Variants in KHK observed in about 807,000 individuals in gnomAD.
KHK encodes the protein fructokinase.
In KHK, 37 loss-of-function variants were observed where a neutral mutation model predicts 36.0. The observed-to-expected ratio is 1.03, with a 90% CI of 0.79 to 1.35. The LOEUF is 1.35. KHK is among the 40% of genes most tolerant of loss of function. KHK has a pLI of 0.00. For missense variants in KHK, 395 were observed against 391.9 expected (o/e 1.01, Z -0.07); for synonymous variants, 161 against 162.8 (o/e 0.99, Z 0.08).
intron 1 of KHK, among the ~76,000 whole-genome samples, chr2:27,090,473 G>C (rs1669929285): frequency 1.8e-5 from 1 of 54,462 alleles, no homozygotes; most frequent in Non-Finnish European, 4.2e-5. Flanking sequence ...TTTTTTTTTG[G>C]AGACAAAGTC....
Position 27,096,730 on chromosome 2 carries a change from A to G in KHK, c.346A>G (p.Ser116Gly), listed in dbSNP as rs774999673. Residue 116 changes from serine (S) to glycine (G), a missense_variant and splice_region_variant, in exon 4 of 8, where the codon AGC (serine) becomes GGC (glycine). Physicochemically the swap from Ser to Gly is moderately conservative, Grantham distance 56. Transcript: ENST00000260598. ...TGTCTTTTCCATCCTGTGACCTAGGAGCCTGCCAGATGTGTCTGCTACAGA... is the reference window on the plus strand; with the variant it reads ...TGTCTTTTCCATCCTGTGACCTAGGGGCCTGCCAGATGTGTCTGCTACAGA... ...GNRTIVLHDTSLPDVSATDFE... is the reference protein window; with the variant it reads ...GNRTIVLHDTGLPDVSATDFE... 1 of 1,613,742 alleles carries G rather than the reference A, an allele frequency of 6.2e-7. No individual in the cohort carries two copies. The highest frequency in any genetic ancestry group is 8.5e-7 in the Non-Finnish European group (1 of 1,179,732).
intron 3 of KHK, among the ~76,000 whole-genome samples, chr2:27,096,446 A>T (rs1272210966): frequency 1.3e-5 from 2 of 152,148 alleles, no homozygotes; most frequent in Non-Finnish European, 2.9e-5. Flanking sequence ...GCATTCTGGG[A>T]GATGCAGTCT....
At position 27,099,180 on chromosome 2, in the gene KHK, C is replaced by T; in HGVS notation, c.565-16C>T. The T allele has an allele frequency of 6.2e-7, 1 of 1,613,724 alleles. No individual in the cohort carries two copies. Among genetic ancestry groups the T allele is most frequent in the Non-Finnish European group, 8.5e-7 (1 of 1,179,684 alleles). ...GAGTTAGAAGTGACCACCAGCTTCT[C>T]TTCCACTGCCCACAGGTGTTTGTCA... On this transcript the variant is annotated splice_polypyrimidine_tract_variant and intron_variant, in intron 5 of 7. Coordinates refer to ENST00000260598, the MANE Select transcript of KHK (RefSeq NM_006488.3).
At chr2:27,097,215 G>A (rs575535877) in intron 4 of KHK, among the ~76,000 whole-genome samples, 1 of 152,320 alleles carries the variant, frequency 6.6e-6, no homozygotes, top group African/African-American at 2.4e-5. Flanking sequence ...GAGTCTGGGT[G>A]GAAGGAAATC....
intron 1 of KHK, among the ~76,000 whole-genome samples, chr2:27,090,452 C>CTTTTTTTTTTTTTTTTTTTTT (rs559420015): frequency 2.1e-4 from 23 of 110,100 alleles, no homozygotes; most frequent in Non-Finnish European, 3.2e-4. Context: ...TTTTTTCTTT[C>CTTTTTTTTTTTTTTTTTTTTT]TTTTTTTTTT....
In KHK at chr2:27,100,078, C is replaced by A. The variant is rs1670716431; in HGVS notation, c.*328C>A. The A allele has an allele frequency of 6.6e-6, 4 of 605,678 alleles. No individual in the cohort carries two copies. The highest frequency in any genetic ancestry group is 8.7e-6 in the Non-Finnish European group (3 of 343,934). 37.5% of individuals were successfully genotyped at this position (605,678 alleles called of 1,614,324 possible). On this transcript the variant is annotated 3_prime_UTR_variant, in exon 8 of 8. Coordinates refer to ENST00000260598, the MANE Select transcript of KHK (RefSeq NM_006488.3). ...CCCAAATTAACCTCTCCGCCCAGGCCCAGAGGAGGGGCTGCCTGGGCTAGA... is the reference window on the plus strand; with the variant it reads ...CCCAAATTAACCTCTCCGCCCAGGCACAGAGGAGGGGCTGCCTGGGCTAGA...
At chr2:27,097,248 T>A (rs944435503) in intron 4 of KHK, among the ~76,000 whole-genome samples, 7 of 152,230 alleles carry the variant, frequency 4.6e-5, no homozygotes, top group African/African-American at 1.7e-4. Flanking sequence ...GAGTTCTAGC[T>A]CCATCATTTA....
intron 2 of KHK, chr2:27,094,383 G>A (rs925876634): frequency 6.7e-7 from 1 of 1,488,752 alleles, no homozygotes; most frequent in Non-Finnish European, 9.3e-7. Context: ...TTGCACCCCT[G>A]CCTTTCAGGG....
intron 5 of KHK, among the ~76,000 whole-genome samples, chr2:27,098,590 G>A (rs1444511345): frequency 6.6e-6 from 1 of 152,036 alleles, no homozygotes; most frequent in Non-Finnish European, 1.5e-5. Context: ...GTTTTTGATT[G>A]GCAGGGGTAG....
chr2:27,099,915 G>T lies in KHK; in HGVS notation c.*165G>T. On this transcript the variant is annotated 3_prime_UTR_variant, in exon 8 of 8. Transcript: ENST00000260598. Reference sequence around the variant, plus strand: ...GTGTTCCCCACAGGGAGAGGCTCTGGGGGGATGGCTGGGGGATGCAGAGCC... The same window carrying T: ...GTGTTCCCCACAGGGAGAGGCTCTGTGGGGATGGCTGGGGGATGCAGAGCC... 4 of 1,473,742 alleles carry T rather than the reference G, an allele frequency of 2.7e-6. No homozygotes were observed. The South Asian group carries it at 4.9e-5, about 18-fold the overall frequency. 91.3% of individuals were successfully genotyped at this position (1,473,742 alleles called of 1,614,324 possible). A position where few individuals can be genotyped will look rare whatever the true frequency, so the allele number is the denominator to read the frequency against.
Position 27,099,292 on chromosome 2 carries a change from G to T in KHK, c.653+8G>T. On this transcript the variant is annotated splice_region_variant and intron_variant, in intron 6 of 7. Transcript: ENST00000260598. ...TGGTCGTGTGAGGAAAGGGTGAGCCGGGGAAGCCAGGAAGGGGCTTTAGAA... is the reference window on the plus strand; with the variant it reads ...TGGTCGTGTGAGGAAAGGGTGAGCCTGGGAAGCCAGGAAGGGGCTTTAGAA... 1 of 1,613,904 alleles carries T rather than the reference G, an allele frequency of 6.2e-7. No homozygotes were observed. Among genetic ancestry groups the T allele is most frequent in the South Asian group, 1.1e-5 (1 of 91,052 alleles).
intron 1 of KHK, among the ~76,000 whole-genome samples, chr2:27,090,318 C>T (rs1669910525): frequency 6.6e-6 from 1 of 152,170 alleles, no homozygotes; most frequent in South Asian, 2.1e-4. Context: ...AATTGGGTTC[C>T]CACATCAGCT....
At chr2:27,090,362 G>C (rs1031480208) in intron 1 of KHK, among the ~76,000 whole-genome samples, 1 of 151,904 alleles carries the variant, frequency 6.6e-6, no homozygotes, top group African/African-American at 2.4e-5. Flanking sequence ...CAGATCCCTC[G>C]AGATTCCTCC....
intron 1 of KHK, among the ~76,000 whole-genome samples, chr2:27,091,529 T>C (rs986052604): frequency 3.3e-5 from 5 of 152,232 alleles, no homozygotes; most frequent in African/African-American, 1.2e-4. Context: ...CCTTTTATTG[T>C]AAACTGCCAC....
In KHK at chr2:27,100,455, A is replaced by G. The variant is rs758800413; in HGVS notation, c.*705A>G. On this transcript the variant is annotated 3_prime_UTR_variant, in exon 8 of 8. Transcript: ENST00000260598. ...CGTGCCTCAGCCACAAATGTGACCC[A>G]GGATACAGAGTGTTGCTGTCCTCAG... 9 of 1,291,064 alleles carry G rather than the reference A, an allele frequency of 7.0e-6. No individual in the cohort carries two copies. The South Asian group carries it at 9.9e-5, about 14-fold the overall frequency. The allele number at this position is 1,291,064 out of a possible 1,614,324, so 80.0% of individuals were successfully genotyped here.
At chr2:27,097,440 G>A (rs983639970) in intron 4 of KHK, 63 bp from the exon 5 acceptor site, 28 of 1,606,878 alleles carry the variant, frequency 1.7e-5, no homozygotes, top group Non-Finnish European at 2.4e-5. Flanking sequence ...AGCGGGGCAG[G>A]AAGAATGAGG....
Position 27,096,799 on chromosome 2 carries a change from G to A in KHK, c.415G>A (p.Glu139Lys), listed in dbSNP as rs1206403617. Reference sequence around the variant, plus strand: ...GACCCAGTTCAAGTGGATCCACATTGAGGTAAGCCCTGCCTTACCTGTGTT... The same window carrying A: ...GACCCAGTTCAAGTGGATCCACATTAAGGTAAGCCCTGCCTTACCTGTGTT... ...DLTQFKWIHI[E>K]GRNASEQVKM... The change falls in exon 4 of 8, where the codon GAG becomes AAG. Residue 139 changes from glutamate to lysine, a missense_variant and splice_region_variant. Physicochemically the swap from Glu to Lys is moderately conservative, Grantham distance 56. Transcript: ENST00000260598. 3.7e-6 allele frequency: 6 copies of A among 1,612,936 alleles called. No homozygotes were observed. In the South Asian group the frequency reaches 6.6e-5, roughly 18 times the overall value.
At position 27,094,875 on chromosome 2, in the gene KHK, C is replaced by T. The variant is rs1250454141; in HGVS notation, c.285C>T (p.Pro95=). 1.2e-6 allele frequency: 2 copies of T among 1,613,922 alleles called. No homozygotes were observed. The highest frequency in any genetic ancestry group is 2.7e-5 in the African/African-American group (2 of 74,958). The stretch of plus-strand genomic sequence containing the variant: ...CCTGGCAGAGCAAGGGGGACACCCC[C>T]AGCTCCTGCTGCATCATCAACAACT... ...QVAWQSKGDT[P]SSCCIINNSN... Residue 95 remains proline, a synonymous_variant, in exon 3 of 8, where the codon CCC becomes CCT. Transcript: ENST00000260598.
intron 1 of KHK, among the ~76,000 whole-genome samples, chr2:27,088,783 G>A (rs1410833472): frequency 3.3e-5 from 5 of 152,202 alleles, no homozygotes; most frequent in Non-Finnish European, 4.4e-5. Context: ...ATGCTGTGAA[G>A]GCATTTCTGT....
Sources: gnomAD v4.1 joint callset for allele counts (sites outside exome capture counted in the v4.1 genomes callset) on GRCh38, gnomAD v4.1.1 for gene constraint, MANE v1.5 for transcripts, NCBI Gene and HGNC (gene_info 2026-07-23, HGNC 2026-07-21) for gene names.